Variants in CDH13 observed in about 807,000 individuals in gnomAD.
CDH13 encodes cadherin-13.
Under a neutral mutation model 63.8 loss-of-function variants are expected in CDH13, and 24 were observed. That is an observed-to-expected ratio of 0.38 (90% CI 0.27 to 0.53). The LOEUF is 0.53. Among genes scored for constraint, CDH13 ranks in the 20% least tolerant of loss-of-function variants. The pLI, the probability that CDH13 is intolerant of heterozygous loss-of-function variation, is 0.85. For missense variants in CDH13, 1,049 were observed against 903.1 expected (o/e 1.16, Z -2.07); for synonymous variants, 503 against 355.3 (o/e 1.42, Z -4.67).
chr16:82,855,065 C>G (rs902974016), intron 1 of CDH13, among the ~76,000 whole-genome samples: 31 of 152,284 alleles, frequency 2.0e-4, no homozygotes, highest in African/African-American at 7.5e-4. Flanking sequence ...CTTTATGTTA[C>G]AAATCATTTA....
At chr16:83,772,617 C>T (rs781450897) in intron 11 of CDH13, among the ~76,000 whole-genome samples, 17 of 152,172 alleles carry the variant, frequency 1.1e-4, no homozygotes, top group Non-Finnish European at 2.2e-4. Context: ...CAATTTTGTT[C>T]TACAAATTAA....
intron 5 of CDH13, among the ~76,000 whole-genome samples, chr16:83,274,733 G>C (rs1006531249): frequency 2.6e-5 from 4 of 152,156 alleles, no homozygotes; most frequent in Non-Finnish European, 4.4e-5. Flanking sequence ...GGCAGGGGGG[G>C]TGTTTATTAA....
At chr16:83,203,129 CA>C (rs1218223601) in intron 4 of CDH13, among the ~76,000 whole-genome samples, 5 of 152,102 alleles carry the variant, frequency 3.3e-5, no homozygotes, top group Non-Finnish European at 7.3e-5. Flanking sequence ...GAGGCTGAGG[CA>C]GGAGAATTGC....
At chr16:83,461,059 A>C (rs1344543572) in intron 6 of CDH13, among the ~76,000 whole-genome samples, 1 of 151,908 alleles carries the variant, frequency 6.6e-6, no homozygotes, top group Non-Finnish European at 1.5e-5. Context: ...CTAAGAGGAA[A>C]GGTAGCAGGC....
chr16:83,701,547 A>G (rs1906232697), intron 10 of CDH13, among the ~76,000 whole-genome samples: 1 of 152,156 alleles, frequency 6.6e-6, no homozygotes, highest in South Asian at 2.1e-4. Context: ...TGTTTGAGCT[A>G]CAACTAAAAC....
intron 2 of CDH13, among the ~76,000 whole-genome samples, chr16:82,958,053 G>A (rs1172233039): frequency 1.3e-5 from 2 of 152,164 alleles, no homozygotes; most frequent in Admixed American, 1.3e-4. Context: ...CCACAGCTCT[G>A]TCTTTCTCTT....
At chr16:83,320,261 G>C (rs1157373164) in intron 5 of CDH13, among the ~76,000 whole-genome samples, 2 of 151,868 alleles carry the variant, frequency 1.3e-5, no homozygotes, top group African/African-American at 4.8e-5. Context: ...GCCCAGGCTA[G>C]TCTCAAACTG....
chr16:82,719,029 A>G (rs1415535471), intron 1 of CDH13, among the ~76,000 whole-genome samples: 8 of 152,184 alleles, frequency 5.3e-5, no homozygotes, highest in Non-Finnish European at 1.2e-4. Flanking sequence ...TATTTTGAAT[A>G]TCCTTCACAC....
chr16:82,836,383 C>G (rs549526840), intron 1 of CDH13, among the ~76,000 whole-genome samples: 1 of 152,154 alleles, frequency 6.6e-6, no homozygotes. Flanking sequence ...CTCCTGACCT[C>G]AGGTGATCCA....
chr16:82,947,004 C>CTG (rs3223223), intron 2 of CDH13, among the ~76,000 whole-genome samples: 10,731 of 134,846 alleles, frequency 0.08, 441 homozygotes, highest in South Asian at 0.1. Flanking sequence ...GTGCGCACGC[C>CTG]TGTGTGTGTG....
chr16:83,319,724 T>C (rs1183912707), intron 5 of CDH13, among the ~76,000 whole-genome samples: 1 of 152,084 alleles, frequency 6.6e-6, no homozygotes, highest in Non-Finnish European at 1.5e-5. Flanking sequence ...AAAAATATGC[T>C]GGGTGAGGAA....
At chr16:83,686,516 G>A (rs764852661) in intron 10 of CDH13, among the ~76,000 whole-genome samples, 1 of 152,202 alleles carries the variant, frequency 6.6e-6, no homozygotes, top group Non-Finnish European at 1.5e-5. Flanking sequence ...ACGGCATCAT[G>A]ACAACTTTAG....
At chr16:83,046,326 T>C (rs1917779922) in intron 3 of CDH13, among the ~76,000 whole-genome samples, 1 of 152,194 alleles carries the variant, frequency 6.6e-6, no homozygotes, top group South Asian at 2.1e-4. Flanking sequence ...ACAAATATTG[T>C]ATGTAGGCGG....
intron 2 of CDH13, among the ~76,000 whole-genome samples, chr16:82,947,498 G>T (rs995903351): frequency 2.0e-5 from 3 of 151,796 alleles, no homozygotes; most frequent in African/African-American, 7.3e-5. Context: ...TTGATGTTTC[G>T]GTTTTTCCAT....
intron 1 of CDH13, among the ~76,000 whole-genome samples, chr16:82,672,796 CACACAT>C (rs1179113857): frequency 1.3e-4 from 19 of 146,818 alleles, no homozygotes; most frequent in Admixed American, 4.1e-4. Flanking sequence ...CACACACACA[CACACAT>C]ACACACACAC....
chr16:83,099,339 T>A (rs376093513), intron 3 of CDH13, among the ~76,000 whole-genome samples: 11 of 152,072 alleles, frequency 7.2e-5, no homozygotes, highest in Admixed American at 5.2e-4. Flanking sequence ...CACATTTTTT[T>A]TAAGATGGAG....
chr16:83,168,977 G>C (rs1597456019), intron 4 of CDH13, among the ~76,000 whole-genome samples: 1 of 152,186 alleles, frequency 6.6e-6, no homozygotes, highest in East Asian at 1.9e-4. Context: ...GGACCATTCA[G>C]GTACACAGAC....
At chr16:83,559,637 G>A (rs1003699586) in intron 7 of CDH13, among the ~76,000 whole-genome samples, 3 of 151,986 alleles carry the variant, frequency 2.0e-5, no homozygotes, top group Non-Finnish European at 2.9e-5. Flanking sequence ...GAAAAAGAGA[G>A]AGAGGGAGGG....
intron 5 of CDH13, among the ~76,000 whole-genome samples, chr16:83,219,335 A>G (rs866297497): frequency 1.3e-5 from 2 of 152,222 alleles, no homozygotes; most frequent in Non-Finnish European, 2.9e-5. Context: ...GAGGCCATAT[A>G]ATATTACGGT....
Sources: gnomAD v4.1 joint callset for allele counts (sites outside exome capture counted in the v4.1 genomes callset) on GRCh38, gnomAD v4.1.1 for gene constraint, MANE v1.5 for transcripts, NCBI Gene and HGNC (gene_info 2026-07-23, HGNC 2026-07-21) for gene names.